The following GREM2 variants were observed in gnomAD, a reference collection of about 807,000 sequenced individuals.
GREM2 encodes the protein gremlin 2, DAN family BMP antagonist, also known as gremlin-2.
In GREM2, 11 loss-of-function variants were observed where a neutral mutation model predicts 14.2. The observed-to-expected ratio is 0.78, with a 90% CI of 0.49 to 1.28. GREM2 has a LOEUF of 1.28. Among genes scored for constraint, GREM2 ranks in the 50% most tolerant of loss-of-function variants. The pLI, the probability that GREM2 is intolerant of heterozygous loss-of-function variation, is 0.00. For missense variants in GREM2, 210 were observed against 218.5 expected, an observed-to-expected ratio of 0.96 and a Z score of 0.24; for synonymous variants, 98 against 97.6, an observed-to-expected ratio of 1.00 and a Z score of -0.02.
chr1:240,515,609 C>G (rs1296127604), intron 1 of GREM2, among the ~76,000 whole-genome samples: 1 of 152,142 alleles, frequency 6.6e-6, no homozygotes, highest in African/African-American at 2.4e-5. Context: ...AGTAAAACAA[C>G]ACAAATACTT....
At chr1:240,556,317 A>G (rs1054523435) in intron 1 of GREM2, among the ~76,000 whole-genome samples, 1 of 152,218 alleles carries the variant, frequency 6.6e-6, no homozygotes, top group Admixed American at 6.5e-5. Flanking sequence ...TGGGAAATCT[A>G]TTAGCACCAT....
chr1:240,529,332 T>G (rs549579486), intron 1 of GREM2, among the ~76,000 whole-genome samples: 1 of 150,364 alleles, frequency 6.7e-6, no homozygotes, highest in South Asian at 2.1e-4. Context: ...ATCAAAGAAT[T>G]TAGGAAATGA....
chr1:240,504,836 A>G (rs1677645127), intron 1 of GREM2, among the ~76,000 whole-genome samples: 1 of 152,210 alleles, frequency 6.6e-6, no homozygotes, highest in African/African-American at 2.4e-5. Flanking sequence ...ATTTTAAGAA[A>G]TCAAGACATT....
rs557479941 is a variant in GREM2 at position 240,518,106 on chromosome 1, C to T, written c.-1-24630G>A. On this transcript the variant is annotated intron_variant, in intron 1 of 1. Transcript: ENST00000318160. ...CTGAGATAGTGAAGGCAACATCGTA[C>T]GAAGCAGCAGGTTTTGTCATTGATG... Among the ~76,000 whole-genome samples the T allele has an allele frequency of 7.2e-5, 11 of 152,262 alleles. No homozygotes were observed. In the South Asian group the frequency reaches 1.2e-3, roughly 17 times the overall value.
chr1:240,546,692 A>G (rs1482982644), intron 1 of GREM2, among the ~76,000 whole-genome samples: 1 of 152,232 alleles, frequency 6.6e-6, no homozygotes, highest in Non-Finnish European at 1.5e-5. Context: ...AGTTTTAAAA[A>G]TATACTGCAA....
intron 1 of GREM2, among the ~76,000 whole-genome samples, chr1:240,557,427 A>C (rs547671084): frequency 2.0e-5 from 3 of 152,180 alleles, no homozygotes; most frequent in South Asian, 4.1e-4. Flanking sequence ...AAAAGAAAAC[A>C]ACCACCAAAA....
intron 1 of GREM2, among the ~76,000 whole-genome samples, chr1:240,533,237 T>C (rs1678403564): frequency 6.6e-6 from 1 of 152,182 alleles, no homozygotes; most frequent in African/African-American, 2.4e-5. Context: ...ATATCTGAAT[T>C]GGCCCTTAAA....
intron 1 of GREM2, among the ~76,000 whole-genome samples, chr1:240,495,008 A>G (rs1322139135): frequency 3.9e-5 from 6 of 152,264 alleles, no homozygotes; most frequent in Non-Finnish European, 8.8e-5. Flanking sequence ...TATGACACAA[A>G]TTCAATAGGA....
chr1:240,599,267 C>CAA (rs11413068), intron 1 of GREM2, among the ~76,000 whole-genome samples: 2,821 of 119,062 alleles, frequency 0.024, 91 homozygotes, highest in African/African-American at 0.081. Flanking sequence ...GACTCTGTCT[C>CAA]AAAAAAAAAA....
intron 1 of GREM2, among the ~76,000 whole-genome samples, chr1:240,553,006 G>A (rs1420147077): frequency 1.3e-5 from 2 of 152,200 alleles, no homozygotes; most frequent in South Asian, 2.1e-4. Context: ...ATCTTTTTAA[G>A]AAAGGAATTC....
chr1:240,578,644 G>A (rs1679418990), intron 1 of GREM2, among the ~76,000 whole-genome samples: 2 of 152,032 alleles, frequency 1.3e-5, no homozygotes, highest in Non-Finnish European at 2.9e-5. Context: ...AATTAGCCAA[G>A]TGTGTTGGCA....
chr1:240,562,882 GTGTAT>G (rs548456272), intron 1 of GREM2, among the ~76,000 whole-genome samples: 4 of 151,158 alleles, frequency 2.6e-5, no homozygotes, highest in African/African-American at 9.7e-5. Flanking sequence ...GTGTGTATGT[GTGTAT>G]GAGTGTGTAT....
At chr1:240,515,515 A>T (rs766444730) in intron 1 of GREM2, among the ~76,000 whole-genome samples, 1 of 151,988 alleles carries the variant, frequency 6.6e-6, no homozygotes, top group Non-Finnish European at 1.5e-5. Context: ...TATCAGGGAG[A>T]CTTTTATTAT....
chr1:240,581,735 T>C (rs1488383405), intron 1 of GREM2, among the ~76,000 whole-genome samples: 1 of 152,248 alleles, frequency 6.6e-6, no homozygotes, highest in Non-Finnish European at 1.5e-5. Flanking sequence ...TGTCAATTTA[T>C]ATATTTAAAC....
chr1:240,572,280 A>G (rs1679276060), intron 1 of GREM2, among the ~76,000 whole-genome samples: 1 of 152,212 alleles, frequency 6.6e-6, no homozygotes, highest in Admixed American at 6.5e-5. Context: ...GTGATAGCTA[A>G]TCATGGAATC....
At chr1:240,568,151 T>A (rs1048812672) in intron 1 of GREM2, among the ~76,000 whole-genome samples, 1 of 152,100 alleles carries the variant, frequency 6.6e-6, no homozygotes, top group African/African-American at 2.4e-5. Context: ...ATTTATAACA[T>A]ATATATAAAT....
At chr1:240,552,054 T>A (rs932849973) in intron 1 of GREM2, among the ~76,000 whole-genome samples, 1 of 152,202 alleles carries the variant, frequency 6.6e-6, no homozygotes, top group African/African-American at 2.4e-5. Context: ...TTACTCTACA[T>A]ACTTCATATA....
chr1:240,574,270 C>A (rs1355493343), intron 1 of GREM2, among the ~76,000 whole-genome samples: 1 of 151,996 alleles, frequency 6.6e-6, no homozygotes, highest in Non-Finnish European at 1.5e-5. Context: ...AATTTTAAAA[C>A]GATCTCCCCA....
At chr1:240,609,223 T>G (rs1027764469) in intron 1 of GREM2, among the ~76,000 whole-genome samples, 1 of 151,996 alleles carries the variant, frequency 6.6e-6, no homozygotes, top group African/African-American at 2.4e-5. Flanking sequence ...CCCCTTAACA[T>G]CCATGTGGCT....
Sources: allele counts gnomAD v4.1 joint callset (sites outside exome capture counted in the v4.1 genomes callset), GRCh38; gene constraint gnomAD v4.1.1; transcripts MANE v1.5; gene names NCBI Gene and HGNC (gene_info 2026-07-23, HGNC 2026-07-21).